Variants in DPP6 observed in about 807,000 individuals in gnomAD.
The protein encoded by DPP6 is dipeptidyl peptidase like 6, also known as A-type potassium channel modulatory protein DPP6.
DPP6 carries 69 observed loss-of-function variants against 122.6 expected under a neutral mutation model. The ratio of observed to expected loss-of-function variants is 0.56; its 90% CI spans 0.46 to 0.69. The LOEUF is 0.69. DPP6 is among the 30% of genes least tolerant of loss of function. The probability of loss-of-function intolerance (pLI) is 0.00; values close to 1 mark genes in which losing one functional copy is unlikely to be tolerated. For synonymous variants in DPP6, 418 were observed against 433.1 expected, an observed-to-expected ratio of 0.97 and a Z score of 0.43; for missense variants, 928 against 1,116.9, an observed-to-expected ratio of 0.83 and a Z score of 2.41.
intron 1 of DPP6, among the ~76,000 whole-genome samples, chr7:154,230,194 G>A (rs543533852): frequency 6.6e-6 from 1 of 152,088 alleles, no homozygotes; most frequent in African/African-American, 2.4e-5. Context: ...ATATGGATCT[G>A]ATGGTATGCA....
intron 1 of DPP6, among the ~76,000 whole-genome samples, chr7:154,011,353 G>A (rs985542115): frequency 6.6e-6 from 1 of 152,192 alleles, no homozygotes; most frequent in African/African-American, 2.4e-5. Flanking sequence ...GTTTGCATCA[G>A]GAGATGCCAC....
chr7:154,151,768 C>T (rs578148874), intron 1 of DPP6, among the ~76,000 whole-genome samples: 3 of 152,094 alleles, frequency 2.0e-5, no homozygotes, highest in African/African-American at 7.2e-5. Flanking sequence ...TCCCTCCCTC[C>T]TCCTATTAAC....
intron 3 of DPP6, among the ~76,000 whole-genome samples, chr7:154,524,231 A>G (rs765395427): frequency 5.3e-5 from 8 of 152,258 alleles, no homozygotes; most frequent in Non-Finnish European, 1.0e-4. Flanking sequence ...GAGTATCACT[A>G]TTGACTTGTG....
chr7:154,078,983 G>A (rs369367725), intron 1 of DPP6, among the ~76,000 whole-genome samples: 1 of 150,976 alleles, frequency 6.6e-6, no homozygotes, highest in African/African-American at 2.4e-5. Context: ...CCTGGGCCGG[G>A]TGTGGTGGCT....
chr7:154,870,121 A>T (rs1165142160), intron 18 of DPP6, among the ~76,000 whole-genome samples: 1 of 149,436 alleles, frequency 6.7e-6, no homozygotes, highest in African/African-American at 2.5e-5. Context: ...CTGGGACCAC[A>T]GGCAGGCCAC....
chr7:154,649,110 C>G (rs1360060225), intron 6 of DPP6, among the ~76,000 whole-genome samples: 2 of 152,184 alleles, frequency 1.3e-5, no homozygotes, highest in Admixed American at 6.5e-5. Context: ...TTTGCCTTTT[C>G]TGGAATGTCA....
intron 1 of DPP6, among the ~76,000 whole-genome samples, chr7:154,011,151 G>A (rs1798137125): frequency 6.6e-6 from 1 of 152,174 alleles, no homozygotes; most frequent in Non-Finnish European, 1.5e-5. Context: ...CTCTCCCAAG[G>A]AAGAAAGTCC....
chr7:154,336,784 C>T (rs963108962), intron 1 of DPP6, among the ~76,000 whole-genome samples: 2 of 151,984 alleles, frequency 1.3e-5, no homozygotes, highest in African/African-American at 4.8e-5. Flanking sequence ...GGGAAGTGGT[C>T]GGAGTGGGGA....
chr7:154,520,838 G>A (rs1380121665), intron 3 of DPP6, among the ~76,000 whole-genome samples: 9 of 152,092 alleles, frequency 5.9e-5, no homozygotes, highest in East Asian at 3.9e-4. Flanking sequence ...CAAAAAGCTC[G>A]GAGACAATAG....
intron 1 of DPP6, chr7:154,026,297 T>G (rs1798952913): frequency 6.6e-6 from 1 of 152,026 alleles, no homozygotes; most frequent in South Asian, 2.1e-4. Flanking sequence ...TGGTTTCTCC[T>G]GGACTCTGCC....
At chr7:153,866,913 T>C in the DPP6 span, among the ~76,000 whole-genome samples, 2 of 152,268 alleles carry the variant, frequency 1.3e-5, no homozygotes, top group East Asian at 3.9e-4. Context: ...GGGAATCCTT[T>C]CCCCATTGCT....
At chr7:154,295,043 C>T (rs541614734) in intron 1 of DPP6, among the ~76,000 whole-genome samples, 21 of 152,340 alleles carry the variant, frequency 1.4e-4, no homozygotes, top group Admixed American at 4.6e-4. Context: ...CTGCCTGTGC[C>T]GGCGCTCCCT....
chr7:154,621,560 T>C (rs1380063091), intron 5 of DPP6, among the ~76,000 whole-genome samples: 1 of 150,118 alleles, frequency 6.7e-6, no homozygotes, highest in Non-Finnish European at 1.5e-5. Flanking sequence ...GTAGAGACGG[T>C]TTCGCCATGT....
chr7:154,270,240 G>A (rs546950636), intron 1 of DPP6, among the ~76,000 whole-genome samples: 8 of 152,220 alleles, frequency 5.3e-5, no homozygotes, highest in African/African-American at 1.4e-4. Flanking sequence ...GTTACCACCC[G>A]GTTTTGCAGC....
intron 10 of DPP6, among the ~76,000 whole-genome samples, chr7:154,776,224 G>A (rs1394652840): frequency 8.9e-6 from 1 of 112,386 alleles, no homozygotes; most frequent in Admixed American, 8.9e-5. Flanking sequence ...TAGATAGATA[G>A]ATAGATAGAT....
chr7:154,099,412 T>A (rs1805574814), intron 1 of DPP6, among the ~76,000 whole-genome samples: 1 of 151,706 alleles, frequency 6.6e-6, no homozygotes, highest in Non-Finnish European at 1.5e-5. Context: ...TCAGTAAAAA[T>A]TATTACATGT....
At chr7:153,905,212 G>C (rs1013586064) in intron 1 of DPP6, among the ~76,000 whole-genome samples, 1 of 152,210 alleles carries the variant, frequency 6.6e-6, no homozygotes, top group African/African-American at 2.4e-5. Flanking sequence ...GGGAAAGTTG[G>C]AGTAGTAGTT....
At chr7:153,833,396 G>A in the DPP6 span, among the ~76,000 whole-genome samples, 35 of 152,296 alleles carry the variant, frequency 2.3e-4, no homozygotes, top group South Asian at 1.5e-3. Flanking sequence ...GAAGCCAGCC[G>A]GGCATGGTGG....
chr7:154,492,251 G>T (rs1254213566), intron 3 of DPP6, among the ~76,000 whole-genome samples: 3 of 152,140 alleles, frequency 2.0e-5, no homozygotes, highest in Non-Finnish European at 4.4e-5. Context: ...TAGCACCCAG[G>T]AAGTATTAGT....
Sources: gnomAD v4.1 joint callset for allele counts (sites outside exome capture counted in the v4.1 genomes callset) on GRCh38, gnomAD v4.1.1 for gene constraint, MANE v1.5 for transcripts, NCBI Gene and HGNC (gene_info 2026-07-23, HGNC 2026-07-21) for gene names.